The following CLNK variants were observed in gnomAD, a reference collection of about 807,000 sequenced individuals.
CLNK encodes cytokine dependent hematopoietic cell linker.
CLNK carries 74 observed loss-of-function variants against 68.6 expected under a neutral mutation model. The observed-to-expected ratio is 1.08, with a 90% CI of 0.89 to 1.31. CLNK has a LOEUF of 1.31. Ranked by LOEUF, CLNK falls within the 50% of genes most tolerant of loss-of-function variation. The pLI is 0.00. For missense variants in CLNK, 553 were observed against 515.3 expected (o/e 1.07, Z -0.71); for synonymous variants, 198 against 172.2 (o/e 1.15, Z -1.17).
chr4:10,729,903 G>C, the CLNK span, among the ~76,000 whole-genome samples: 1 of 152,184 alleles, frequency 6.6e-6, no homozygotes, highest in African/African-American at 2.4e-5. Flanking sequence ...AAATTTTCCA[G>C]AACGGTTACT....
intron 7 of CLNK, among the ~76,000 whole-genome samples, 169 bp from the exon 8 acceptor site, chr4:10,558,621 C>T (rs1719768991): frequency 1.3e-5 from 2 of 152,136 alleles, no homozygotes; most frequent in African/African-American, 4.8e-5. Context: ...ATACATGCAC[C>T]TCTGCCAATG....
intron 3 of CLNK, among the ~76,000 whole-genome samples, chr4:10,586,953 C>G (rs1720990747): frequency 7.2e-6 from 1 of 139,134 alleles, no homozygotes; most frequent in Admixed American, 7.1e-5. Flanking sequence ...TGTCTTTGCC[C>G]ATTTTTTTTC....
At chr4:10,689,744 C>CTTTTTTTTT (rs1560280654), upstream of CLNK, among the ~76,000 whole-genome samples, 1 of 26,924 alleles carries the variant, frequency 3.7e-5, no homozygotes, top group African/African-American at 1.0e-4. Flanking sequence ...AAAACCCATG[C>CTTTTTTTTT]ATTTTTTTTT....
the CLNK span, among the ~76,000 whole-genome samples, chr4:10,700,828 G>A: frequency 6.6e-6 from 1 of 152,124 alleles, no homozygotes; most frequent in South Asian, 2.1e-4. Flanking sequence ...ATACACAAGT[G>A]CCGTTGTGAA....
the CLNK span, among the ~76,000 whole-genome samples, chr4:10,699,516 T>A: frequency 1.3e-3 from 139 of 107,770 alleles, 4 homozygotes; most frequent in East Asian, 0.011. Flanking sequence ...ATATATATTT[T>A]TTTTTTTTTT....
At chr4:10,537,001 G>A (rs561975814) in intron 11 of CLNK, among the ~76,000 whole-genome samples, 5 of 152,278 alleles carry the variant, frequency 3.3e-5, no homozygotes, top group Admixed American at 2.6e-4. Flanking sequence ...TGTATTCCTC[G>A]AACTTGGTTC....
chr4:10,704,517 T>C, the CLNK span, among the ~76,000 whole-genome samples: 1 of 152,308 alleles, frequency 6.6e-6, no homozygotes, highest in African/African-American at 2.4e-5. Context: ...CTGGGGATGC[T>C]GCAACCTCCA....
At chr4:10,544,922 G>A (rs750873318) in intron 8 of CLNK, among the ~76,000 whole-genome samples, 21 of 151,998 alleles carry the variant, frequency 1.4e-4, no homozygotes, top group South Asian at 2.1e-4. Flanking sequence ...TAAAGCCACC[G>A]GTTTTCCTTC....
At chr4:10,553,704 T>C (rs1719555694) in intron 8 of CLNK, among the ~76,000 whole-genome samples, 1 of 152,208 alleles carries the variant, frequency 6.6e-6, no homozygotes, top group South Asian at 2.1e-4. Flanking sequence ...TCCGCCTGCC[T>C]CGACCTCCCG....
the CLNK span, among the ~76,000 whole-genome samples, chr4:10,690,860 C>T: frequency 2.0e-5 from 3 of 151,992 alleles, no homozygotes; most frequent in Non-Finnish European, 2.9e-5. Context: ...CTCTGTTCTA[C>T]GGAGGCCATG....
At chr4:10,575,700 T>C (rs1205877649) in intron 4 of CLNK, among the ~76,000 whole-genome samples, 1 of 152,250 alleles carries the variant, frequency 6.6e-6, no homozygotes, top group Non-Finnish European at 1.5e-5. Flanking sequence ...TATGCTCTTG[T>C]TCTTGCCTTG....
chr4:10,687,204 G>GAAAAA (rs57990237), upstream of CLNK, among the ~76,000 whole-genome samples: 1 of 140,332 alleles, frequency 7.1e-6, no homozygotes. Flanking sequence ...ATATAGAGGT[G>GAAAAA]AAAAAAAAAA....
intron 5 of CLNK, among the ~76,000 whole-genome samples, chr4:10,566,743 G>A (rs924563985): frequency 9.9e-5 from 15 of 152,182 alleles, no homozygotes; most frequent in Admixed American, 5.9e-4. Flanking sequence ...CAGCGCTTTG[G>A]GAGGCTGAGG....
rs200793845 is a variant in CLNK, at chr4:10,489,045, TTCTA to T, written c.*1418_*1421del. 1.8e-5 allele frequency: 1 copy of T among 55,114 alleles called. No individual in the cohort carries two copies. The highest frequency in any genetic ancestry group is 6.5e-5 in the African/African-American group (1 of 15,416). 3.4% of individuals were successfully genotyped at this position (55,114 alleles called of 1,614,324 possible). A position where few individuals can be genotyped will look rare whatever the true frequency, so the allele number is the denominator to read the frequency against. On this transcript the variant is annotated 3_prime_UTR_variant, in exon 19 of 19. Transcript: ENST00000226951. ...TGGTAAATCTGTATTTTCAAATTGT[TTCTA>T]TCTTTCTCTCTCTCTCTCTCTTTTT...
chr4:10,595,569 G>A (rs78097904), intron 3 of CLNK, among the ~76,000 whole-genome samples: 4,336 of 152,210 alleles, frequency 0.028, 87 homozygotes, highest in Admixed American at 0.05. Flanking sequence ...GTTTTACTTT[G>A]TTTATTACCA....
intron 3 of CLNK, among the ~76,000 whole-genome samples, chr4:10,596,234 AGGGTGG>A (rs1721379775): frequency 2.0e-5 from 3 of 152,208 alleles, no homozygotes; most frequent in Non-Finnish European, 4.4e-5. Flanking sequence ...CATGTTGGTC[AGGGTGG>A]TCTCGAACTC....
At chr4:10,638,903 T>C (rs1723203601) in intron 2 of CLNK, among the ~76,000 whole-genome samples, 1 of 152,230 alleles carries the variant, frequency 6.6e-6, no homozygotes, top group Non-Finnish European at 1.5e-5. Context: ...AAATTTCTTC[T>C]TTTCATAAGG....
At chr4:10,495,155 A>G (rs1357732349) in intron 18 of CLNK, among the ~76,000 whole-genome samples, 2 of 152,230 alleles carry the variant, frequency 1.3e-5, no homozygotes, top group African/African-American at 2.4e-5. Context: ...TTAGTTTATC[A>G]TGTAAATATC....
chr4:10,636,679 C>G (rs1039568989), intron 2 of CLNK, among the ~76,000 whole-genome samples: 1 of 152,052 alleles, frequency 6.6e-6, no homozygotes, highest in African/African-American at 2.4e-5. Flanking sequence ...GCTCTCATAC[C>G]GTGCACTTGG....
Sources: allele counts gnomAD v4.1 joint callset (sites outside exome capture counted in the v4.1 genomes callset), GRCh38; gene constraint gnomAD v4.1.1; transcripts MANE v1.5; gene names NCBI Gene and HGNC (gene_info 2026-07-23, HGNC 2026-07-21).